The following CCNB1IP1 variants were observed in gnomAD, a reference collection of about 807,000 sequenced individuals.
CCNB1IP1 encodes E3 ubiquitin-protein ligase CCNB1IP1.
In CCNB1IP1, 14 loss-of-function variants were observed where a neutral mutation model predicts 25.6. That is an observed-to-expected ratio of 0.55 (90% CI 0.36 to 0.85). CCNB1IP1 has a LOEUF of 0.85. Among genes scored for constraint, CCNB1IP1 ranks in the 40% least tolerant of loss-of-function variants. The pLI is 0.01. For missense variants in CCNB1IP1, 278 were observed against 342.4 expected, an observed-to-expected ratio of 0.81 and a Z score of 1.48; for synonymous variants, 119 against 116.1, an observed-to-expected ratio of 1.02 and a Z score of -0.16.
chr14:20,320,687 C>T (rs1320005570), intron 4 of CCNB1IP1, among the ~76,000 whole-genome samples: 2 of 151,642 alleles, frequency 1.3e-5, no homozygotes, highest in East Asian at 3.9e-4. Context: ...CACCTGTAAT[C>T]CCAGCTACTT....
rs773698019 is a variant in CCNB1IP1 at position 20,311,653 on chromosome 14, G to A, written c.731C>T (p.Thr244Ile). 1.2e-6 allele frequency: 2 copies of A among 1,614,146 alleles called. No individual in the cohort carries two copies. The highest frequency in any genetic ancestry group is 1.7e-5 in the Admixed American group (1 of 60,028). ...AAAGCTGTTGCTGGGTTCAGGTGCT[G>A]TGGGAGAACCCGCAAAAAATGGTCT... is the stretch of plus-strand genomic sequence containing the variant. Reference protein sequence around the residue: ...QFRPFFAGSPTAPEPSNSFFS... With the variant: ...QFRPFFAGSPIAPEPSNSFFS... The change falls in exon 7 of 7, where the codon ACA becomes ATA. Residue 244 changes from threonine to isoleucine, a missense_variant. Thr to Ile is a moderately conservative substitution (Grantham distance 89, BLOSUM62 -1). Coordinates refer to ENST00000358932, the MANE Select transcript of CCNB1IP1 (RefSeq NM_021178.5).
At chr14:20,316,628 A>G in intron 4 of CCNB1IP1, 68 bp from the exon 5 acceptor site, 1 of 799,130 alleles carries the variant, frequency 1.3e-6, no homozygotes, top group South Asian at 1.9e-5. Flanking sequence ...AAAAAGAAAT[A>G]TAACATGCAC....
intron 6 of CCNB1IP1, 143 bp from the exon 7 acceptor site, chr14:20,311,895 T>C: frequency 2.0e-6 from 1 of 506,158 alleles, no homozygotes; most frequent in Non-Finnish European, 3.3e-6. Flanking sequence ...ATATAAAATC[T>C]TTTACCCCAG....
intron 5 of CCNB1IP1, among the ~76,000 whole-genome samples, chr14:20,315,047 C>T (rs199974737): frequency 8.2e-4 from 113 of 138,416 alleles, no homozygotes; most frequent in African/African-American, 2.7e-3. Flanking sequence ...GCTGAGATCG[C>T]GCCACTGCAC....
intron 4 of CCNB1IP1, among the ~76,000 whole-genome samples, chr14:20,318,684 T>C (rs1016292194): frequency 6.6e-6 from 1 of 152,154 alleles, no homozygotes; most frequent in African/African-American, 2.4e-5. Flanking sequence ...GCTTAATCTA[T>C]ATGGATCTGT....
chr14:20,311,700 A>G lies in CCNB1IP1; in HGVS notation c.684T>C (p.Asp228=), dbSNP rs1481306055. 2 of 1,613,964 alleles carry G rather than the reference A, an allele frequency of 1.2e-6. No homozygotes were observed. The highest frequency in any genetic ancestry group is 1.7e-6 in the Non-Finnish European group (2 of 1,180,012). Residue 228 remains aspartate (D), a synonymous_variant, in exon 7 of 7, where the codon GAT becomes GAC. Transcript: ENST00000358932. ...GTCTGAACTGAAAATCTCCATCTCC[A>G]TCGCCCCGATTTCGAACAGGTGTAT... ...LDNTPVRNRG[D]GDGDFQFRPF...
chr14:20,327,303 AG>A (rs1468873006), intron 2 of CCNB1IP1, among the ~76,000 whole-genome samples: 2 of 152,090 alleles, frequency 1.3e-5, no homozygotes, highest in Admixed American at 6.6e-5. Context: ...AATCCAAAAT[AG>A]TCAGTTTTTT....
In CCNB1IP1 at chr14:20,329,335, G is replaced by C. The variant is rs1883169030; in HGVS notation, c.-392C>G. The stretch of plus-strand genomic sequence containing the variant: ...GGGCCAGTTCTGGACTGGCACACAG[G>C]GTGCTGGACTTCCCTCCTCAGTGGA... On this transcript the variant is annotated 5_prime_UTR_variant, in exon 2 of 7. Coordinates refer to ENST00000358932, the MANE Select transcript of CCNB1IP1 (RefSeq NM_021178.5). The C allele has an allele frequency of 6.6e-6, 1 of 152,150 alleles. No individual in the cohort carries two copies. Among genetic ancestry groups the C allele is most frequent in the African/African-American group, 2.4e-5 (1 of 41,434 alleles). 9.4% of individuals were successfully genotyped at this position (152,150 alleles called of 1,614,324 possible).
At chr14:20,316,583 G>A in intron 4 of CCNB1IP1, 23 bp from the exon 5 acceptor site, 3 of 1,383,366 alleles carry the variant, frequency 2.2e-6, no homozygotes, top group Non-Finnish European at 3.0e-6. Context: ...AAATAAAAAG[G>A]CCAAGTAAGT....
At chr14:20,331,700 G>GA (rs1460230886) in intron 1 of CCNB1IP1, among the ~76,000 whole-genome samples, 6 of 151,702 alleles carry the variant, frequency 4.0e-5, no homozygotes, top group East Asian at 1.9e-4. Context: ...AAAACCTACT[G>GA]AAAAAATATA....
At chr14:20,313,841 C>CA in intron 5 of CCNB1IP1, 40 bp from the exon 6 acceptor site, 1 of 1,403,842 alleles carries the variant, frequency 7.1e-7, no homozygotes. Flanking sequence ...GTATTGGGTA[C>CA]AAAGTTATAT....
At position 20,322,851 on chromosome 14, in the gene CCNB1IP1, G is replaced by T. The variant is rs113347157; in HGVS notation, c.-38+2688C>A. On this transcript the variant is annotated intron_variant, in intron 4 of 6. Coordinates refer to ENST00000358932, the MANE Select transcript of CCNB1IP1 (RefSeq NM_021178.5). ...TTGGCCAGGCTGGTCTCGAACTCCT[G>T]ACCTCAGGTGATCCGCCCACCTCAG... Among the ~76,000 whole-genome samples, 798 of 152,134 alleles carry T rather than the reference G, an allele frequency of 5.2e-3. 10 individuals carry two copies. The highest frequency in any genetic ancestry group is 0.018 in the African/African-American group (766 of 41,488).
At chr14:20,317,285 A>G (rs577502450) in intron 4 of CCNB1IP1, among the ~76,000 whole-genome samples, 9 of 152,210 alleles carry the variant, frequency 5.9e-5, no homozygotes, top group Admixed American at 1.3e-4. Context: ...GGGCGCCTGT[A>G]GTCCCAGCTA....
intron 4 of CCNB1IP1, among the ~76,000 whole-genome samples, chr14:20,322,782 C>A (rs1296132704): frequency 1.3e-5 from 2 of 151,768 alleles, no homozygotes; most frequent in Admixed American, 6.6e-5. Context: ...ACCACCATGC[C>A]CAACTAATTT....
rs1882693704 is a variant in CCNB1IP1 at position 20,316,335 on chromosome 14, G to A, written c.189C>T (p.Arg63=). The change falls in exon 5 of 7, where the codon CGC becomes CGT. Residue 63 remains arginine (R), a synonymous_variant. Coordinates refer to ENST00000358932, the MANE Select transcript of CCNB1IP1 (RefSeq NM_021178.5). Reference sequence around the variant, plus strand: ...ATTCCTCTGATGGACTGAGTTCTGTGCGGACAATATCTAGCTTTCCAGAAA... The same window carrying A: ...ATTCCTCTGATGGACTGAGTTCTGTACGGACAATATCTAGCTTTCCAGAAA... ...STLSGKLDIV[R]TELSPSEEYK... is the part of the protein sequence containing the mutation. 3.1e-6 allele frequency: 5 copies of A among 1,613,958 alleles called. No individual in the cohort carries two copies. Among genetic ancestry groups the A allele is most frequent in the Non-Finnish European group, 4.2e-6 (5 of 1,179,864 alleles).
At chr14:20,325,218 G>A (rs946761855) in intron 4 of CCNB1IP1, among the ~76,000 whole-genome samples, 143 of 150,836 alleles carry the variant, frequency 9.5e-4, no homozygotes, top group Non-Finnish European at 1.8e-3. Context: ...TCAGGAGATC[G>A]AGACCATCCC....
Position 20,316,271 on chromosome 14 carries a change from C to A in CCNB1IP1, c.253G>T (p.Val85Leu). Residue 85 changes from valine (V) to leucine (L), a missense_variant, in exon 5 of 7, where the codon GTG (valine) becomes TTG (leucine). Val to Leu is a conservative substitution (Grantham distance 32, BLOSUM62 1). Transcript: ENST00000358932. Reference protein sequence around the residue: ...MVLAGLRPEIVLDISSRALAF... With the variant: ...MVLAGLRPEILLDISSRALAF... ...AGCGCTCGGGAGCTAATGTCCAACA[C>A]GATCTCTGGTCGCAGTCCTGCCAAT... is the stretch of plus-strand genomic sequence containing the variant. 6.2e-7 allele frequency: 1 copy of A among 1,613,998 alleles called. No individual in the cohort carries two copies. Among genetic ancestry groups the A allele is most frequent in the Non-Finnish European group, 8.5e-7 (1 of 1,179,860 alleles).
chr14:20,313,792 C>A lies in CCNB1IP1; in HGVS notation c.307G>T (p.Glu103Ter). The A allele has an allele frequency of 6.4e-7, 1 of 1,557,646 alleles. No homozygotes were observed. The highest frequency in any genetic ancestry group is 1.2e-5 in the South Asian group (1 of 82,118). ...AAATTGTATTCTTGATAGAGACGTT[C>A]CTGATGTACCTGGTTCCAAAAGAAA... Reference protein sequence around the residue: ...LAFWTYQVHQERLYQEYNFSK... With the variant: ...LAFWTYQVHQ Residue 103 changes from glutamate to a stop codon, truncating the protein, a stop_gained, in exon 6 of 7, where the codon GAA becomes TAA. Transcript: ENST00000358932. LOFTEE classifies it high-confidence loss of function.
In CCNB1IP1 at chr14:20,316,233, T is replaced by C. The variant is rs532751051; in HGVS notation, c.291A>G (p.Thr97=). Residue 97 remains threonine (T), a synonymous_variant, in exon 5 of 7, where the codon ACA becomes ACG. Coordinates refer to ENST00000358932, the MANE Select transcript of CCNB1IP1 (RefSeq NM_021178.5). ...AACTAGACTAAGCACTAACCTGATA[T>C]GTCCAGAAGGCCAGCGCTCGGGAGC... ...DISSRALAFW[T]YQVHQERLYQ... 22 of 1,612,574 alleles carry C rather than the reference T, an allele frequency of 1.4e-5. No individual in the cohort carries two copies. The highest frequency in any genetic ancestry group is 1.1e-4 in the South Asian group (10 of 91,054).
Sources: allele counts gnomAD v4.1 joint callset (sites outside exome capture counted in the v4.1 genomes callset), GRCh38; gene constraint gnomAD v4.1.1; transcripts MANE v1.5; gene names NCBI Gene and HGNC (gene_info 2026-07-23, HGNC 2026-07-21).